Variants in EML6 observed in about 807,000 individuals in gnomAD.
EML6 encodes echinoderm microtubule-associated protein-like 6.
A neutral mutation model predicts 240.1 loss-of-function variants in EML6; 154 were observed. That is an observed-to-expected ratio of 0.64 (90% CI 0.56 to 0.73). The LOEUF is 0.73. Ranked by LOEUF, EML6 falls within the 30% of genes least tolerant of loss-of-function variation. EML6 has a pLI of 0.00. For synonymous variants in EML6, 1,148 were observed against 899.0 expected (o/e 1.28, Z -4.95); for missense variants, 2,964 against 2,474.6 (o/e 1.20, Z -4.20).
intron 8 of EML6, among the ~76,000 whole-genome samples, chr2:54,846,782 C>T (rs1384534135): frequency 3.3e-5 from 5 of 151,642 alleles, no homozygotes; most frequent in East Asian, 2.0e-4. Flanking sequence ...CTGTGTCTGG[C>T]GCATACTTTT....
rs1676969192 is a variant in EML6, at chr2:54,971,072, C to A, written c.*977C>A. ...TAAATCTTAAGATAAATGAGGGTAA[C>A]CCAAGGCTGCACCTTGGTGTACCAC... is the stretch of plus-strand genomic sequence containing the variant. On this transcript the variant is annotated 3_prime_UTR_variant, in exon 42 of 42. Coordinates refer to ENST00000356458, the MANE Select transcript of EML6 (RefSeq NM_001039753.4). 1 of 152,120 alleles carries A rather than the reference C, an allele frequency of 6.6e-6. No individual in the cohort carries two copies. Among genetic ancestry groups the A allele is most frequent in the East Asian group, 1.9e-4 (1 of 5,204 alleles). 9.4% of individuals were successfully genotyped at this position (152,120 alleles called of 1,614,324 possible). A position where few individuals can be genotyped will look rare whatever the true frequency, so the allele number is the denominator to read the frequency against.
chr2:54,757,210 T>C (rs538991779), intron 2 of EML6, among the ~76,000 whole-genome samples: 1 of 152,260 alleles, frequency 6.6e-6, no homozygotes, highest in South Asian at 2.1e-4. Flanking sequence ...ATATTTGTAT[T>C]GGTCTTTAAC....
intron 35 of EML6, 104 bp from the exon 36 acceptor site, chr2:54,962,419 T>C: frequency 1.1e-6 from 1 of 883,018 alleles, no homozygotes; most frequent in Non-Finnish European, 1.7e-6. Context: ...CCGGCAGTCA[T>C]CATTCTACTT....
chr2:54,966,595 G>A (rs1676757151), intron 38 of EML6: 1 of 156,216 alleles, frequency 6.4e-6, no homozygotes, highest in Non-Finnish European at 1.4e-5. Flanking sequence ...TGTGAACTGG[G>A]ATTCCTGTGT....
intron 2 of EML6, among the ~76,000 whole-genome samples, chr2:54,805,336 T>C (rs1026139754): frequency 6.6e-5 from 10 of 152,230 alleles, no homozygotes; most frequent in Non-Finnish European, 1.5e-4. Flanking sequence ...GTGGAATTGC[T>C]AGATCATAAT....
chr2:54,823,514 A>T (rs1001484130), intron 5 of EML6, among the ~76,000 whole-genome samples: 1 of 152,208 alleles, frequency 6.6e-6, no homozygotes, highest in African/African-American at 2.4e-5. Context: ...AAACTAGCCA[A>T]TAAATCACGG....
intron 35 of EML6, 65 bp downstream of exon 35, chr2:54,960,399 C>A: frequency 8.3e-7 from 1 of 1,203,292 alleles, no homozygotes; most frequent in Non-Finnish European, 1.2e-6. Context: ...ACCCTCCCAG[C>A]CGGCACTTTC....
intron 26 of EML6, among the ~76,000 whole-genome samples, chr2:54,918,863 G>T (rs13391802): frequency 2.6e-5 from 4 of 152,014 alleles, no homozygotes; most frequent in African/African-American, 4.8e-5. Context: ...TTAGTTCACA[G>T]TGTACCCATT....
intron 16 of EML6, among the ~76,000 whole-genome samples, chr2:54,875,454 G>A (rs559611188): frequency 1.3e-5 from 2 of 152,286 alleles, no homozygotes; most frequent in South Asian, 4.1e-4. Context: ...CATCTCTTAG[G>A]AGTTAGCTCT....
intron 2 of EML6, among the ~76,000 whole-genome samples, chr2:54,752,296 G>T (rs1319639215): frequency 6.6e-6 from 1 of 152,064 alleles, no homozygotes; most frequent in African/African-American, 2.4e-5. Flanking sequence ...TCACATTTTT[G>T]TGAACTTCTT....
At chr2:54,871,628 C>T (rs758990887) in intron 16 of EML6, 23 bp downstream of exon 16, 40 of 1,476,742 alleles carry the variant, frequency 2.7e-5, no homozygotes, top group Admixed American at 3.9e-5. Context: ...GTGATTGACA[C>T]ATGGTTCTAC....
intron 16 of EML6, 33 bp downstream of exon 16, chr2:54,871,638 C>T (rs984926330): frequency 1.4e-6 from 2 of 1,434,920 alleles, no homozygotes; most frequent in Non-Finnish European, 1.9e-6. Flanking sequence ...CATGGTTCTA[C>T]GTTGAGAGAG....
At chr2:54,951,796 C>T (rs1283398726) in intron 30 of EML6, among the ~76,000 whole-genome samples, 3 of 152,058 alleles carry the variant, frequency 2.0e-5, no homozygotes, top group South Asian at 2.1e-4. Flanking sequence ...AATCACTGGG[C>T]ACATGTTGAT....
intron 2 of EML6, among the ~76,000 whole-genome samples, chr2:54,805,376 A>G (rs1350486289): frequency 6.6e-6 from 1 of 152,204 alleles, no homozygotes; most frequent in Non-Finnish European, 1.5e-5. Flanking sequence ...GCAACTGCCA[A>G]AAGACTTTTC....
At chr2:54,895,581 C>G (rs930428659) in intron 21 of EML6, among the ~76,000 whole-genome samples, 181 bp downstream of exon 21, 1 of 152,222 alleles carries the variant, frequency 6.6e-6, no homozygotes, top group Non-Finnish European at 1.5e-5. Flanking sequence ...TAAAACAACA[C>G]ACATTTATTT....
chr2:54,860,174 C>T (rs1316767946), intron 12 of EML6, among the ~76,000 whole-genome samples: 1 of 152,208 alleles, frequency 6.6e-6, no homozygotes, highest in Non-Finnish European at 1.5e-5. Context: ...ATCCCCACCA[C>T]CCAACCTCTC....
At chr2:54,951,010 G>A (rs538364661) in intron 30 of EML6, among the ~76,000 whole-genome samples, 7 of 152,252 alleles carry the variant, frequency 4.6e-5, no homozygotes, top group African/African-American at 1.7e-4. Flanking sequence ...GCCCTAGAGA[G>A]AAGGCGGCCA....
chr2:54,877,834 T>TGG (rs1320699282), intron 16 of EML6, among the ~76,000 whole-genome samples: 1 of 152,240 alleles, frequency 6.6e-6, no homozygotes, highest in African/African-American at 2.4e-5. Context: ...TTCGTAGTGA[T>TGG]GGAGGGTTGG....
intron 2 of EML6, among the ~76,000 whole-genome samples, chr2:54,759,269 C>T (rs1183516992): frequency 6.7e-6 from 1 of 150,370 alleles, no homozygotes; most frequent in African/African-American, 2.5e-5. Context: ...TTTACAGTGG[C>T]TTTGACTGGT....
Sources: gnomAD v4.1 joint callset for allele counts (sites outside exome capture counted in the v4.1 genomes callset) on GRCh38, gnomAD v4.1.1 for gene constraint, MANE v1.5 for transcripts, NCBI Gene and HGNC (gene_info 2026-07-23, HGNC 2026-07-21) for gene names.